GP9: variants seen among roughly 807,000 people sequenced by gnomAD.
The protein encoded by GP9 is glycoprotein IX platelet, also known as platelet glycoprotein IX.
For missense variants in GP9, 228 were observed against 241.8 expected, an observed-to-expected ratio of 0.94 and a Z score of 0.38; for synonymous variants, 116 against 116.7, an observed-to-expected ratio of 0.99 and a Z score of 0.04.
chr3:129,055,308 T>C, the GP9 span, among the ~76,000 whole-genome samples: 4 of 152,250 alleles, frequency 2.6e-5, no homozygotes, highest in South Asian at 2.1e-4. Context: ...TCTTTTTAAA[T>C]GTATATAAAT....
At chr3:129,055,727 C>T in the GP9 span, among the ~76,000 whole-genome samples, 1 of 151,868 alleles carries the variant, frequency 6.6e-6, no homozygotes, top group Non-Finnish European at 1.5e-5. Flanking sequence ...TCACTGCAAC[C>T]TGCGCCTCCC....
chr3:129,056,860 G>C (rs1270469427), upstream of GP9, among the ~76,000 whole-genome samples: 1 of 152,218 alleles, frequency 6.6e-6, no homozygotes, highest in Non-Finnish European at 1.5e-5. Context: ...GACATGGCTA[G>C]CCTACCACGA....
upstream of GP9, among the ~76,000 whole-genome samples, chr3:129,058,883 G>A (rs1378923127): frequency 6.6e-6 from 1 of 152,250 alleles, no homozygotes; most frequent in Non-Finnish European, 1.5e-5. Context: ...GCCCTCAGGG[G>A]CAAAGCCCTG....
At position 129,062,059 on chromosome 3, in the gene GP9, C is replaced by A. The variant is rs373723419; in HGVS notation, c.320C>A (p.Ala107Asp). ...RLWLEDRTPEALLQVRCASPS... is the reference protein window; with the variant it reads ...RLWLEDRTPEDLLQVRCASPS... ...TGGCTGGAGGACCGCACGCCCGAGG[C>A]CCTGCTGCAGGTCCGCTGTGCCAGC... The change falls in exon 3 of 3, where the codon GCC becomes GAC. Residue 107 changes from alanine (A) to aspartate (D), a missense_variant. Transcript: ENST00000307395. 8.7e-6 allele frequency: 14 copies of A among 1,612,328 alleles called. No homozygotes were observed. The highest frequency in any genetic ancestry group is 1.1e-5 in the Non-Finnish European group (13 of 1,179,478).
chr3:129,056,890 A>C (rs988829001), upstream of GP9, among the ~76,000 whole-genome samples: 16 of 152,286 alleles, frequency 1.1e-4, no homozygotes, highest in Non-Finnish European at 1.6e-4. Context: ...TCAGGAAGAG[A>C]TGAGAGGTGA....
At chr3:129,055,644 C>A in the GP9 span, among the ~76,000 whole-genome samples, 1 of 148,558 alleles carries the variant, frequency 6.7e-6, no homozygotes, top group Non-Finnish European at 1.5e-5. Context: ...TTCTTTCTTT[C>A]TTTCTTTTTT....
At chr3:129,061,411 C>T in intron 1 of GP9, 83 bp from the exon 2 acceptor site, 4 of 459,872 alleles carry the variant, frequency 8.7e-6, no homozygotes, top group South Asian at 2.1e-5. Flanking sequence ...CTGCTCCTCT[C>T]ATCCCCAAGC....
chr3:129,057,827 C>CTTTTT (rs199729798), upstream of GP9, among the ~76,000 whole-genome samples: 3 of 136,314 alleles, frequency 2.2e-5, no homozygotes, highest in East Asian at 2.6e-4. Context: ...TTATAGGTTG[C>CTTTTT]TTCTTTTTTT....
chr3:129,060,747 C>G (rs771955410), upstream of GP9: 1 of 152,488 alleles, frequency 6.6e-6, no homozygotes, highest in African/African-American at 2.4e-5. Context: ...TCCTTCCGCC[C>G]GCTCCCGCAG....
upstream of GP9, among the ~76,000 whole-genome samples, chr3:129,056,788 G>C (rs1946525743): frequency 6.6e-6 from 1 of 152,188 alleles, no homozygotes; most frequent in Non-Finnish European, 1.5e-5. Context: ...CAGGGCTCCA[G>C]AAAGAGGGCA....
upstream of GP9, among the ~76,000 whole-genome samples, chr3:129,055,897 G>A (rs997835214): frequency 2.6e-5 from 4 of 151,878 alleles, no homozygotes; most frequent in East Asian, 1.9e-4. Context: ...CGCCCACCTC[G>A]GCCTCCCAAA....
intron 1 of GP9, 42 bp from the exon 2 acceptor site, chr3:129,061,452 A>C: frequency 5.6e-6 from 3 of 534,544 alleles, no homozygotes; most frequent in Admixed American, 3.1e-5. Flanking sequence ...AGGGCCAGGA[A>C]GTCCCTTCCC....
upstream of GP9, among the ~76,000 whole-genome samples, chr3:129,058,403 G>T (rs1404213863): frequency 6.6e-6 from 1 of 152,244 alleles, no homozygotes; most frequent in East Asian, 1.9e-4. Flanking sequence ...AGCAGGACCT[G>T]TTTTCTGAGC....
At chr3:129,057,079 A>G (rs1946527954), upstream of GP9, among the ~76,000 whole-genome samples, 1 of 152,238 alleles carries the variant, frequency 6.6e-6, no homozygotes, top group East Asian at 1.9e-4. Flanking sequence ...AGCAAGGCTG[A>G]CAAGTATGTA....
At chr3:129,055,731 G>A in the GP9 span, among the ~76,000 whole-genome samples, 4 of 150,992 alleles carry the variant, frequency 2.6e-5, no homozygotes, top group African/African-American at 9.8e-5. Context: ...TGCAACCTGC[G>A]CCTCCCAGGT....
upstream of GP9, among the ~76,000 whole-genome samples, chr3:129,057,830 CTT>C (rs869136524): frequency 8.9e-5 from 11 of 123,920 alleles, no homozygotes; most frequent in Admixed American, 1.6e-4. Flanking sequence ...TAGGTTGCTT[CTT>C]TTTTTTTTTT....
chr3:129,055,955 C>A (rs774830643), upstream of GP9, among the ~76,000 whole-genome samples: 2 of 152,194 alleles, frequency 1.3e-5, no homozygotes, highest in Admixed American at 6.5e-5. Flanking sequence ...GTCAGGCCCC[C>A]CTTTCTTCCC....
upstream of GP9, among the ~76,000 whole-genome samples, chr3:129,059,576 G>A (rs945017615): frequency 1.3e-5 from 2 of 152,174 alleles, no homozygotes; most frequent in Non-Finnish European, 2.9e-5. Flanking sequence ...GACATCAGTG[G>A]GGGAACAGCA....
chr3:129,059,380 A>G (rs962042734), upstream of GP9, among the ~76,000 whole-genome samples: 1 of 151,930 alleles, frequency 6.6e-6, no homozygotes, highest in Admixed American at 6.6e-5. Context: ...CCCCTTACCC[A>G]CCTGCGTGGG....
Sources: allele counts gnomAD v4.1 joint callset (sites outside exome capture counted in the v4.1 genomes callset), GRCh38; gene constraint gnomAD v4.1.1; transcripts MANE v1.5; gene names NCBI Gene and HGNC (gene_info 2026-07-23, HGNC 2026-07-21).